Variants in CPEB2 observed in about 807,000 individuals in gnomAD.
The protein encoded by CPEB2 is cytoplasmic polyadenylation element-binding protein 2.
In CPEB2, 56 loss-of-function variants were observed where a neutral mutation model predicts 93.6. The observed-to-expected ratio is 0.60, with a 90% CI of 0.48 to 0.75. The LOEUF is 0.75. CPEB2 is among the 30% of genes least tolerant of loss of function. The probability of loss-of-function intolerance (pLI) is 0.00; values close to 1 mark genes in which losing one functional copy is unlikely to be tolerated. For missense variants in CPEB2, 1,579 were observed against 1,395.1 expected, an observed-to-expected ratio of 1.13 and a Z score of -2.10; for synonymous variants, 764 against 586.3, an observed-to-expected ratio of 1.30 and a Z score of -4.38.
chr4:15,004,458 T>A, intron 1 of CPEB2, 123 bp downstream of exon 1: 1 of 658,844 alleles, frequency 1.5e-6, no homozygotes, highest in Non-Finnish European at 2.3e-6. Flanking sequence ...CGGGGGCCAC[T>A]CGCCCAAGTG....
chr4:15,066,183 C>G lies in CPEB2; in HGVS notation c.2908C>G (p.Gln970Glu). The G allele has an allele frequency of 1.2e-6, 2 of 1,613,294 alleles. No individual in the cohort carries two copies. Among genetic ancestry groups the G allele is most frequent in the Non-Finnish European group, 1.7e-6 (2 of 1,179,590 alleles). ...VEVKPYVLDD[Q>E]MCDECQGARC... ...GGTAAAGCCATATGTGCTAGATGAC[C>G]AGATGTGTGATGAATGCCAGGGCGC... is the stretch of plus-strand genomic sequence containing the variant. Residue 970 changes from glutamine to glutamate, a missense_variant, in exon 12 of 12, where the codon CAG becomes GAG. By Grantham distance (29) the Gln-to-Glu change is conservative. This residue lies in a region of CPEB2 where 168 missense variants were observed against 339.1 expected (regional missense o/e 0.50). Transcript: ENST00000538197.
intron 11 of CPEB2, among the ~76,000 whole-genome samples, chr4:15,062,906 C>G (rs1313321986): frequency 6.6e-6 from 1 of 151,984 alleles, no homozygotes; most frequent in East Asian, 1.9e-4. Context: ...CTGAATAATT[C>G]CAAGTACTGA....
At chr4:15,047,312 C>A (rs912207450) in intron 6 of CPEB2, among the ~76,000 whole-genome samples, 6 of 152,120 alleles carry the variant, frequency 3.9e-5, no homozygotes, top group African/African-American at 1.4e-4. Flanking sequence ...TTCTAGAAGA[C>A]AGTGTGCTGA....
At chr4:15,024,647 T>G (rs1321070080) in intron 4 of CPEB2, among the ~76,000 whole-genome samples, 1 of 152,158 alleles carries the variant, frequency 6.6e-6, no homozygotes, top group Non-Finnish European at 1.5e-5. Flanking sequence ...CCTGCCTTCA[T>G]TTTTTAATTT....
intron 4 of CPEB2, among the ~76,000 whole-genome samples, chr4:15,023,938 G>A (rs1725127144): frequency 6.6e-6 from 1 of 151,934 alleles, no homozygotes; most frequent in Non-Finnish European, 1.5e-5. Context: ...ACTGAGATAA[G>A]GCAAATAATA....
At chr4:15,023,541 T>TATAAA (rs1226484980) in intron 4 of CPEB2, among the ~76,000 whole-genome samples, 2 of 152,200 alleles carry the variant, frequency 1.3e-5, no homozygotes, top group Middle Eastern at 6.8e-3. Context: ...ATTCTCTATT[T>TATAAA]ATAAACTTAA....
chr4:15,055,002 A>G (rs1728581521), intron 8 of CPEB2, among the ~76,000 whole-genome samples: 1 of 152,220 alleles, frequency 6.6e-6, no homozygotes, highest in Non-Finnish European at 1.5e-5. Context: ...TCAAGCCTGG[A>G]GAAAAGACCC....
At position 15,046,256 on chromosome 4, in the gene CPEB2, G is replaced by A. The variant is rs764015929; in HGVS notation, c.2200+5769G>A. On this transcript the variant is annotated intron_variant, in intron 6 of 11. Coordinates refer to ENST00000538197, the MANE Select transcript of CPEB2 (RefSeq NM_001177382.2). ...TTTTTTTTGAGATGGAGTTTTGCTCGTGCTGCCCAGGCAGGCTGGAGTGCA... is the reference window on the plus strand; with the variant it reads ...TTTTTTTTGAGATGGAGTTTTGCTCATGCTGCCCAGGCAGGCTGGAGTGCA... 2.6e-5 allele frequency among the ~76,000 whole-genome samples: 4 copies of A among 151,822 alleles called. No homozygotes were observed. In the Middle Eastern group the frequency reaches 0.01, roughly 387 times the overall value.
At chr4:15,035,880 A>G (rs912840955) in intron 5 of CPEB2, among the ~76,000 whole-genome samples, 61 of 152,266 alleles carry the variant, frequency 4.0e-4, no homozygotes, top group African/African-American at 1.4e-3. Flanking sequence ...TAGAAAATGC[A>G]GAACTGACAG....
intron 3 of CPEB2, among the ~76,000 whole-genome samples, chr4:15,012,221 G>GT (rs1372541587): frequency 2.6e-5 from 4 of 152,184 alleles, no homozygotes. Context: ...TACAGCTTAA[G>GT]TAATGGATGC....
intron 1 of CPEB2, among the ~76,000 whole-genome samples, chr4:15,004,596 G>A (rs920771414): frequency 6.6e-6 from 1 of 152,184 alleles, no homozygotes; most frequent in Non-Finnish European, 1.5e-5. Flanking sequence ...GCCGCGGCTG[G>A]CCGGGCGCCC....
chr4:15,045,941 T>C (rs946035033), intron 6 of CPEB2, among the ~76,000 whole-genome samples: 1 of 152,234 alleles, frequency 6.6e-6, no homozygotes, highest in African/African-American at 2.4e-5. Context: ...TAGTAGTTTT[T>C]ATCAGTTATT....
intron 5 of CPEB2, among the ~76,000 whole-genome samples, chr4:15,038,340 G>A (rs1293559977): frequency 6.6e-6 from 1 of 152,120 alleles, no homozygotes; most frequent in Non-Finnish European, 1.5e-5. Context: ...GTCAATAATT[G>A]TGACATTATG....
intron 4 of CPEB2, among the ~76,000 whole-genome samples, chr4:15,028,488 A>G (rs763686395): frequency 2.0e-5 from 3 of 152,114 alleles, no homozygotes; most frequent in Admixed American, 6.6e-5. Flanking sequence ...ATTATATGCT[A>G]CGCTTTGTTT....
chr4:15,040,777 G>A (rs908322737), intron 6 of CPEB2, among the ~76,000 whole-genome samples: 3 of 152,048 alleles, frequency 2.0e-5, no homozygotes, highest in African/African-American at 7.2e-5. Context: ...TTTATGGTTT[G>A]TCTGCTTAAA....
At chr4:15,053,311 C>T (rs766209077) in intron 7 of CPEB2, among the ~76,000 whole-genome samples, 4 of 152,000 alleles carry the variant, frequency 2.6e-5, no homozygotes, top group Admixed American at 2.0e-4. Flanking sequence ...CCACCATACC[C>T]GGCCAAAAGT....
At chr4:15,015,132 CACCTGGGAACTTGTTAGAAATACAT>C (rs1723971004) in intron 3 of CPEB2, among the ~76,000 whole-genome samples, 1 of 152,030 alleles carries the variant, frequency 6.6e-6, no homozygotes, top group Non-Finnish European at 1.5e-5. Context: ...GAATCAGTAT[CACCTGGGAACTTGTTAGAAATACAT>C]ACTCTCAGGT....
chr4:15,061,425 TTGAA>T (rs1729180894), intron 10 of CPEB2, among the ~76,000 whole-genome samples: 1 of 151,920 alleles, frequency 6.6e-6, no homozygotes, highest in South Asian at 2.1e-4. Flanking sequence ...GAGAAAATAT[TTGAA>T]TGAGAAGGAA....
At chr4:15,058,309 A>G in intron 8 of CPEB2, 112 bp from the exon 9 acceptor site, 1 of 665,154 alleles carries the variant, frequency 1.5e-6, no homozygotes, top group South Asian at 1.8e-5. Flanking sequence ...TTTTCATCCT[A>G]TTTGATAGTT....
Sources: gnomAD v4.1 joint callset for allele counts (sites outside exome capture counted in the v4.1 genomes callset) on GRCh38, gnomAD v4.1.1 for gene constraint, gnomAD v4.1.1 regional missense constraint, MANE v1.5 for transcripts, NCBI Gene and HGNC (gene_info 2026-07-23, HGNC 2026-07-21) for gene names.